Variants in UBE2L6 observed in about 807,000 individuals in gnomAD.
UBE2L6 encodes ubiquitin conjugating enzyme E2 L6.
Under a neutral mutation model 13.6 loss-of-function variants are expected in UBE2L6, and 11 were observed. The observed-to-expected ratio is 0.81, with a 90% CI of 0.51 to 1.34. UBE2L6 has a LOEUF of 1.34. UBE2L6 is among the 40% of genes most tolerant of loss of function. The pLI is 0.00. For synonymous variants in UBE2L6, 74 were observed against 83.2 expected (o/e 0.89, Z 0.60); for missense variants, 197 against 199.5 (o/e 0.99, Z 0.07).
intron 1 of UBE2L6, among the ~76,000 whole-genome samples, chr11:57,566,146 G>A (rs1203278836): frequency 6.6e-6 from 1 of 152,190 alleles, no homozygotes; most frequent in African/African-American, 2.4e-5. Flanking sequence ...GACCGGAGAA[G>A]ATCTGGAATA....
chr11:57,565,358 T>TG (rs1462333544), intron 1 of UBE2L6, among the ~76,000 whole-genome samples: 7 of 85,634 alleles, frequency 8.2e-5, no homozygotes, highest in Non-Finnish European at 1.3e-4. Flanking sequence ...TATTAGTTGT[T>TG]TTTTTTTTTT....
chr11:57,564,249 C>T (rs1297071135), intron 1 of UBE2L6, among the ~76,000 whole-genome samples: 2 of 152,090 alleles, frequency 1.3e-5, no homozygotes, highest in African/African-American at 2.4e-5. Context: ...CCAATATGTC[C>T]AGCAGCGACT....
At chr11:57,555,243 C>T (rs917096725) in intron 2 of UBE2L6, among the ~76,000 whole-genome samples, 9 of 152,204 alleles carry the variant, frequency 5.9e-5, no homozygotes, top group African/African-American at 2.2e-4. Flanking sequence ...AACCAAGTGT[C>T]TATCAATGGA....
At chr11:57,561,257 A>G (rs910053757) in intron 1 of UBE2L6, among the ~76,000 whole-genome samples, 2 of 152,168 alleles carry the variant, frequency 1.3e-5, no homozygotes, top group African/African-American at 4.8e-5. Flanking sequence ...CATAGCAGAG[A>G]AGAACTCTAC....
intron 3 of UBE2L6, among the ~76,000 whole-genome samples, chr11:57,553,052 C>G (rs1268725648): frequency 1.3e-5 from 2 of 152,192 alleles, no homozygotes; most frequent in Non-Finnish European, 2.9e-5. Context: ...TGCTCCCACT[C>G]CCACCAACCT....
chr11:57,561,648 T>C (rs1945048114), intron 1 of UBE2L6, among the ~76,000 whole-genome samples: 1 of 152,142 alleles, frequency 6.6e-6, no homozygotes, highest in African/African-American at 2.4e-5. Flanking sequence ...GGTTAATAGG[T>C]AGTACAGGAA....
chr11:57,566,960 T>A (rs748665927), intron 1 of UBE2L6: 2 of 71,522 alleles, frequency 2.8e-5, no homozygotes, highest in East Asian at 6.8e-4. Context: ...CCCCCCCCCC[T>A]CCTAGAACAG....
intron 1 of UBE2L6, among the ~76,000 whole-genome samples, chr11:57,565,253 G>A (rs754969363): frequency 2.7e-4 from 40 of 149,862 alleles, no homozygotes; most frequent in Non-Finnish European, 4.9e-4. Context: ...AAGGAAGGAA[G>A]GAAGGAAAGA....
chr11:57,554,402 T>C (rs1944981482), intron 3 of UBE2L6, 35 bp downstream of exon 3: 3 of 1,608,882 alleles, frequency 1.9e-6, no homozygotes, highest in South Asian at 2.2e-5. Flanking sequence ...CTCTACCCAG[T>C]ATCAGTCCCT....
intron 2 of UBE2L6, among the ~76,000 whole-genome samples, chr11:57,556,656 T>C (rs1276454535): frequency 7.1e-6 from 1 of 141,300 alleles, no homozygotes; most frequent in Non-Finnish European, 1.5e-5. Context: ...AAAGAAAATA[T>C]CTCATTTTTT....
rs1206468592 is a variant in UBE2L6 at position 57,567,602 on chromosome 11, T to C, written c.10A>G (p.Ser4Gly). MMA[S>G]MRVVKELEDL... ...GCGGTTACCTTCACCACTCGCATGC[T>C]CGCCATCATGTCGGGACCGAGTGTG... The change falls in exon 1 of 4, where the codon AGC (serine) becomes GGC (glycine). Residue 4 changes from serine (S) to glycine (G), a missense_variant. Coordinates refer to ENST00000287156, the MANE Select transcript of UBE2L6 (RefSeq NM_004223.5). 3 of 1,608,580 alleles carry C rather than the reference T, an allele frequency of 1.9e-6. No homozygotes were observed. Among genetic ancestry groups the C allele is most frequent in the Non-Finnish European group, 2.5e-6 (3 of 1,178,370 alleles).
intron 1 of UBE2L6, among the ~76,000 whole-genome samples, chr11:57,566,769 G>C (rs1287011110): frequency 1.3e-5 from 2 of 152,016 alleles, no homozygotes; most frequent in African/African-American, 4.8e-5. Flanking sequence ...GAAAGACTTG[G>C]GGTGCCAGAC....
At chr11:57,567,432 T>C in intron 1 of UBE2L6, 153 bp downstream of exon 1, 1 of 1,134,798 alleles carries the variant, frequency 8.8e-7, no homozygotes, top group South Asian at 1.5e-5. Flanking sequence ...AGTCCTCCTC[T>C]GAGTAGAGGG....
At chr11:57,558,209 G>C (rs1391827407) in intron 2 of UBE2L6, among the ~76,000 whole-genome samples, 1 of 151,986 alleles carries the variant, frequency 6.6e-6, no homozygotes, top group African/African-American at 2.4e-5. Flanking sequence ...CTCCTGAGTA[G>C]CTGGGATTAT....
chr11:57,562,317 A>T (rs1011214707), intron 1 of UBE2L6, among the ~76,000 whole-genome samples: 1 of 152,238 alleles, frequency 6.6e-6, no homozygotes, highest in African/African-American at 2.4e-5. Flanking sequence ...AGCACAGAGC[A>T]CTAGAGAGAT....
At chr11:57,559,729 G>A (rs1945024348) in intron 2 of UBE2L6, among the ~76,000 whole-genome samples, 1 of 152,134 alleles carries the variant, frequency 6.6e-6, no homozygotes, top group Non-Finnish European at 1.5e-5. Context: ...AATGAAAAGT[G>A]TAGATTAATT....
chr11:57,557,352 G>A (rs1590808759), intron 2 of UBE2L6, among the ~76,000 whole-genome samples: 1 of 150,772 alleles, frequency 6.6e-6, no homozygotes, highest in Non-Finnish European at 1.5e-5. Flanking sequence ...ATGAGTGGAA[G>A]CTTCCTGAGG....
At chr11:57,565,241 T>G (rs1462367673) in intron 1 of UBE2L6, among the ~76,000 whole-genome samples, 1 of 149,062 alleles carries the variant, frequency 6.7e-6, no homozygotes, top group Non-Finnish European at 1.5e-5. Flanking sequence ...AAACTCCATC[T>G]TAAGGAAGGA....
Position 57,552,370 on chromosome 11 carries a change from G to T in UBE2L6, c.450C>A (p.Asp150Glu). The part of the protein sequence containing the change: ...AEEFTLRFGV[D>E]RPS ...GTCAGAACATGAGTTAGGAGGGCCG[G>T]TCCACTCCGAATCGGAGGGTGAACT... Residue 150 changes from aspartate to glutamate, a missense_variant, in exon 4 of 4, where the codon GAC becomes GAA. Physicochemically the swap from Asp to Glu is conservative, Grantham distance 45 (BLOSUM62 2). Transcript: ENST00000287156. 6.2e-7 allele frequency: 1 copy of T among 1,614,218 alleles called. No homozygotes were observed. Among genetic ancestry groups the T allele is most frequent in the Non-Finnish European group, 8.5e-7 (1 of 1,180,030 alleles).
Sources: gnomAD v4.1 joint callset for allele counts (sites outside exome capture counted in the v4.1 genomes callset) on GRCh38, gnomAD v4.1.1 for gene constraint, MANE v1.5 for transcripts, NCBI Gene and HGNC (gene_info 2026-07-23, HGNC 2026-07-21) for gene names.